NRIP2: variants seen among roughly 807,000 people sequenced by gnomAD.
NRIP2 encodes nuclear receptor-interacting protein 2.
In NRIP2, 27 loss-of-function variants were observed where a neutral mutation model predicts 34.1. That is an observed-to-expected ratio of 0.79 (90% confidence interval 0.58 to 1.09). The LOEUF is 1.09. Ranked by LOEUF, NRIP2 falls within the 50% of genes least tolerant of loss-of-function variation. The probability of loss-of-function intolerance (pLI) is 0.00; values close to 1 mark genes in which losing one functional copy is unlikely to be tolerated. For missense variants in NRIP2, 385 were observed against 352.6 expected (o/e 1.09, Z -0.74); for synonymous variants, 145 against 146.9 (o/e 0.99, Z 0.09).
At position 2,834,858 on chromosome 12, in the gene NRIP2, G is replaced by A. The variant is rs35645225; in HGVS notation, c.126C>T (p.Pro42=). Residue 42 remains proline (P), a synonymous_variant, in exon 1 of 6, where the codon CCC becomes CCT. Transcript: ENST00000337508. Reference sequence around the variant, plus strand: ...TGGCCCCTGCTGGAGGAGTGGGCCAGGGGCTGCTCGGTGGGGGCGTCACCG... The same window carrying A: ...TGGCCCCTGCTGGAGGAGTGGGCCAAGGGCTGCTCGGTGGGGGCGTCACCG... ...EDSVTPPPSS[P]WPTPPAGAMS... 1 of 1,613,620 alleles carries A rather than the reference G, an allele frequency of 6.2e-7. No individual in the cohort carries two copies. The highest frequency in any genetic ancestry group is 8.5e-7 in the Non-Finnish European group (1 of 1,179,932).
chr12:2,834,604 G>C, intron 1 of NRIP2, 38 bp downstream of exon 1: 1 of 1,537,146 alleles, frequency 6.5e-7, no homozygotes, highest in Admixed American at 2.1e-5. Flanking sequence ...GGAAGGAAAA[G>C]GCCAGGGGAC....
intron 3 of NRIP2, 28 bp downstream of exon 3, chr12:2,828,304 C>T (rs1387867942): frequency 1.3e-6 from 2 of 1,597,428 alleles, no homozygotes; most frequent in African/African-American, 1.3e-5. Flanking sequence ...CCCTGTCCCC[C>T]ACTTGCTTGT....
At chr12:2,830,134 G>C (rs559452927) in intron 2 of NRIP2, 4 of 152,210 alleles carry the variant, frequency 2.6e-5, no homozygotes, top group African/African-American at 9.6e-5. Context: ...GAGGTTGGGA[G>C]GGAGGAAAGG....
chr12:2,826,363 A>T lies in NRIP2; in HGVS notation c.*844T>A, dbSNP rs1197982800. 1.3e-5 allele frequency: 2 copies of T among 152,152 alleles called. No individual in the cohort carries two copies. The highest frequency in any genetic ancestry group is 2.4e-5 in the African/African-American group (1 of 41,428). 9.4% of individuals were successfully genotyped at this position (152,152 alleles called of 1,614,324 possible). ...GTGGATAGTTCTAGAAATCAGAAAGAATGCTGAATAGGTGAAGTCTGAGTG... is the reference window on the plus strand; with the variant it reads ...GTGGATAGTTCTAGAAATCAGAAAGTATGCTGAATAGGTGAAGTCTGAGTG... On this transcript the variant is annotated 3_prime_UTR_variant, in exon 6 of 6. Coordinates refer to ENST00000337508, the MANE Select transcript of NRIP2 (RefSeq NM_031474.3).
chr12:2,830,975 CTTACCCTAGGAGT>C (rs1209902176), intron 1 of NRIP2, 115 bp from the exon 2 acceptor site: 4 of 1,114,498 alleles, frequency 3.6e-6, no homozygotes, highest in Non-Finnish European at 5.0e-6. Flanking sequence ...AGCCCTGAGC[CTTACCCTAGGAGT>C]TTACCCTAGG....
rs943672934 is a variant in NRIP2, at chr12:2,826,952, T to G, written c.*255A>C. ...TGTGGTCTTGATTTGGCTTTGCTTT[T>G]CTTGGGAGGAAGATGAATCAGAATC... On this transcript the variant is annotated 3_prime_UTR_variant, in exon 6 of 6. Coordinates refer to ENST00000337508, the MANE Select transcript of NRIP2 (RefSeq NM_031474.3). The G allele has an allele frequency of 2.3e-5, 30 of 1,313,244 alleles. No homozygotes were observed. In the East Asian group the frequency reaches 6.6e-4, roughly 29 times the overall value. 81.3% of individuals were successfully genotyped at this position (1,313,244 alleles called of 1,614,324 possible).
chr12:2,828,472 G>C (rs2097981861), intron 2 of NRIP2, 58 bp from the exon 3 acceptor site: 2 of 1,299,408 alleles, frequency 1.5e-6, no homozygotes, highest in Non-Finnish European at 2.2e-6. Context: ...GTTGGAATTG[G>C]ATCCTTCAGT....
intron 3 of NRIP2, 88 bp downstream of exon 3, chr12:2,828,244 A>G (rs979456545): frequency 8.0e-7 from 1 of 1,250,830 alleles, no homozygotes; most frequent in South Asian, 1.2e-5. Flanking sequence ...AAAATATGCA[A>G]CTGTCGTCAC....
At position 2,834,810 on chromosome 12, in the gene NRIP2, C is replaced by T. The variant is rs758068573; in HGVS notation, c.174G>A (p.Arg58=). The T allele has an allele frequency of 1.7e-5, 27 of 1,613,604 alleles. No homozygotes were observed. The highest frequency in any genetic ancestry group is 2.2e-5 in the Non-Finnish European group (26 of 1,179,964). The change falls in exon 1 of 6, where the codon AGG becomes AGA. Residue 58 remains arginine (R), a synonymous_variant. Transcript: ENST00000337508. ...TCGTCCTGGCTTCTCCCTCATCTCT[C>T]CTGGCCTCCTGCTTGGTGCTCATGG... ...AGAMSTKQEA[R]RDEGEARTRG... is the part of the protein sequence containing the mutation.
Position 2,830,792 on chromosome 12 carries a change from G to T in NRIP2, c.411C>A (p.Pro137=). ...GNPNWLQGEP[P]RMQDLIHGQE... is the part of the protein sequence containing the mutation. ...GGCCATGAATCAGGTCCTGCATCCG[G>T]GGAGGCTCCCCCTGAAGCCAATTCG... The change falls in exon 2 of 6, where the codon CCC becomes CCA. Residue 137 remains proline, a synonymous_variant. Coordinates refer to ENST00000337508, the MANE Select transcript of NRIP2 (RefSeq NM_031474.3). The T allele has an allele frequency of 3.1e-6, 5 of 1,613,782 alleles. No homozygotes were observed. Among genetic ancestry groups the T allele is most frequent in the Non-Finnish European group, 4.2e-6 (5 of 1,179,878 alleles).
chr12:2,827,026 G>C lies in NRIP2; in HGVS notation c.*181C>G. On this transcript the variant is annotated 3_prime_UTR_variant, in exon 6 of 6. Transcript: ENST00000337508. The surrounding 1 kb of genome is among the most constrained non-coding windows in gnomAD (Gnocchi z 4.0). ...AAAACTCGTCCTGGGGAGTAGGACA[G>C]CTGCTGAGAAGCAGAGAGGAATGCG... The C allele has an allele frequency of 1.4e-6, 2 of 1,436,724 alleles. No homozygotes were observed. The highest frequency in any genetic ancestry group is 3.0e-5 in the South Asian group (2 of 66,900). The allele number at this position is 1,436,724 out of a possible 1,614,324, so 89.0% of individuals were successfully genotyped here. A position where few individuals can be genotyped will look rare whatever the true frequency, so the allele number is the denominator to read the frequency against.
intron 3 of NRIP2, 56 bp from the exon 4 acceptor site, chr12:2,828,103 A>G: frequency 1.1e-5 from 17 of 1,492,082 alleles, no homozygotes; most frequent in Non-Finnish European, 1.6e-5. Context: ...GTTCCACCCC[A>G]TTAATCAGCA....
Position 2,828,416 on chromosome 12 carries a change from TAAGA to T in NRIP2, c.496-6_496-3del, listed in dbSNP as rs2097981485. 2.4e-5 allele frequency: 38 copies of T among 1,613,070 alleles called. No homozygotes were observed. Among genetic ancestry groups the T allele is most frequent in the Non-Finnish European group, 2.9e-5 (34 of 1,179,432 alleles). On this transcript the variant is annotated splice_region_variant and splice_polypyrimidine_tract_variant and intron_variant, in intron 2 of 5. Coordinates refer to ENST00000337508, the MANE Select transcript of NRIP2 (RefSeq NM_031474.3). ...CACTCTAAGCAGCTGGTCCTGGCAC[TAAGA>T]AAGAAGAATCGTGGTGAATCAGTGA... is the stretch of plus-strand genomic sequence containing the variant.
At chr12:2,829,068 A>G (rs2097986031) in intron 2 of NRIP2, among the ~76,000 whole-genome samples, 1 of 152,078 alleles carries the variant, frequency 6.6e-6, no homozygotes, top group Non-Finnish European at 1.5e-5. Flanking sequence ...AAAAGTGGTT[A>G]TATGTGATGG....
At chr12:2,829,293 G>A (rs987059644) in intron 2 of NRIP2, among the ~76,000 whole-genome samples, 13 of 130,344 alleles carry the variant, frequency 1.0e-4, no homozygotes, top group Non-Finnish European at 1.2e-4. Context: ...ACCTACTTTG[G>A]GACATAGACA....
At position 2,828,156 on chromosome 12, in the gene NRIP2, C is replaced by T. The variant is rs908464003; in HGVS notation, c.579-109G>A. On this transcript the variant is annotated intron_variant, in intron 3 of 5. Coordinates refer to ENST00000337508, the MANE Select transcript of NRIP2 (RefSeq NM_031474.3). ...TGGTTTCATCTCCAACCCCTGACCT[C>T]ACGTGGGGTCTAAATCCTTGCCTTC... The T allele has an allele frequency of 2.2e-5, 27 of 1,201,968 alleles. No homozygotes were observed. In the Admixed American group the frequency reaches 5.5e-4, roughly 25 times the overall value. The allele number at this position is 1,201,968 out of a possible 1,614,324, so 74.5% of individuals were successfully genotyped here.
chr12:2,831,950 G>A (rs993910274), intron 1 of NRIP2, among the ~76,000 whole-genome samples: 3 of 151,856 alleles, frequency 2.0e-5, no homozygotes, highest in Non-Finnish European at 2.9e-5. Context: ...CAGCTCTCTC[G>A]GATCCTTGGA....
At chr12:2,828,544 C>T in intron 2 of NRIP2, 130 bp from the exon 3 acceptor site, 1 of 780,296 alleles carries the variant, frequency 1.3e-6, no homozygotes, top group South Asian at 1.6e-5. Context: ...GTCTTTAAAA[C>T]TGGCTTTTAT....
Position 2,830,831 on chromosome 12 carries a change from C to G in NRIP2, c.372G>C (p.Leu124=), listed in dbSNP as rs757365003. Residue 124 remains leucine (L), a synonymous_variant, in exon 2 of 6, where the codon CTG becomes CTC. Transcript: ENST00000337508. The part of the protein sequence containing the change: ...LQPRSVIQRR[L]VEGNPNWLQG... ...GAAGCCAATTCGGGTTTCCCTCCAC[C>G]AGGCGTCTTTGGATCACACTGCGCG... 3 of 1,613,706 alleles carry G rather than the reference C, an allele frequency of 1.9e-6. No individual in the cohort carries two copies. Among genetic ancestry groups the G allele is most frequent in the South Asian group, 2.2e-5 (2 of 90,946 alleles).
Sources: gnomAD v4.1 joint callset for allele counts (sites outside exome capture counted in the v4.1 genomes callset) on GRCh38, gnomAD v4.1.1 for gene constraint, Gnocchi (gnomAD v3.1) non-coding constraint, MANE v1.5 for transcripts, NCBI Gene and HGNC (gene_info 2026-07-23, HGNC 2026-07-21) for gene names.